Variants in SLC2A9 observed in about 807,000 individuals in gnomAD.
The protein encoded by SLC2A9 is solute carrier family 2 member 9, also known as solute carrier family 2, facilitated glucose transporter member 9.
In SLC2A9, 39 loss-of-function variants were observed where a neutral mutation model predicts 50.6. The ratio of observed to expected loss-of-function variants is 0.77; its 90% CI spans 0.60 to 1.01. The LOEUF (loss-of-function observed/expected upper bound fraction) is 1.01. Among genes scored for constraint, SLC2A9 ranks in the 50% least tolerant of loss-of-function variants. SLC2A9 has a pLI of 0.00. For missense variants in SLC2A9, 686 were observed against 677.6 expected (o/e 1.01, Z -0.14); for synonymous variants, 324 against 276.9 (o/e 1.17, Z -1.69).
At chr4:10,034,245 T>G (rs1030145123) in intron 1 of SLC2A9, 2 of 152,256 alleles carry the variant, frequency 1.3e-5, no homozygotes, top group Admixed American at 1.3e-4. Flanking sequence ...CAGGTTTTAA[T>G]CATTTCATTC....
In SLC2A9 at chr4:9,920,563, G is replaced by A. The variant is rs112404957; in HGVS notation, c.824C>T (p.Thr275Met). ...GGAAACGTCTGCTTTACCCAAGAAC[G>A]TTTGGAAGGCTGCAAACAGAGGCAC... ...NEARAVKAFQ[T>M]FLGKADVSQE... Residue 275 changes from threonine to methionine, a missense_variant, in exon 7 of 12, where the codon ACG (threonine) becomes ATG (methionine). By Grantham distance (81) the Thr-to-Met change is moderately conservative. Coordinates refer to ENST00000264784, the MANE Select transcript of SLC2A9 (RefSeq NM_020041.3). 19,125 of 1,614,106 alleles carry A rather than the reference G, an allele frequency of 0.012. 133 individuals carry two copies. The highest frequency in any genetic ancestry group is 0.014 in the Non-Finnish European group (16,576 of 1,180,016).
At chr4:9,782,751 T>A in intron 3 of SLC2A9, 1 of 1,614,000 alleles carries the variant, frequency 6.2e-7, no homozygotes, top group Non-Finnish European at 8.5e-7. Flanking sequence ...GTTGCCATCA[T>A]GATCGTGACC....
intron 3 of SLC2A9, among the ~76,000 whole-genome samples, chr4:9,789,015 A>T (rs1458053057): frequency 1.3e-5 from 2 of 152,218 alleles, no homozygotes; most frequent in Non-Finnish European, 2.9e-5. Context: ...GGAAATGGAT[A>T]CATGTATATA....
At chr4:9,933,382 G>C (rs532542461) in intron 6 of SLC2A9, among the ~76,000 whole-genome samples, 4 of 152,206 alleles carry the variant, frequency 2.6e-5, no homozygotes, top group African/African-American at 9.6e-5. Context: ...GGGGAGGGAG[G>C]GTGAACGCAC....
intron 6 of SLC2A9, among the ~76,000 whole-genome samples, chr4:9,922,481 TA>T (rs901795477): frequency 2.6e-5 from 4 of 151,112 alleles, no homozygotes; most frequent in Non-Finnish European, 4.4e-5. Context: ...CTTTAAAATT[TA>T]AAAAAAAAAT....
At chr4:9,836,372 A>G (rs1402056651) in intron 10 of SLC2A9, among the ~76,000 whole-genome samples, 1 of 152,222 alleles carries the variant, frequency 6.6e-6, no homozygotes, top group African/African-American at 2.4e-5. Flanking sequence ...TGTGATAAGC[A>G]TTCTGGAGGA....
At chr4:9,985,479 A>G (rs1419039780) in intron 4 of SLC2A9, among the ~76,000 whole-genome samples, 190 bp downstream of exon 4, 1 of 152,126 alleles carries the variant, frequency 6.6e-6, no homozygotes, top group Non-Finnish European at 1.5e-5. Flanking sequence ...TAGGGGCTAG[A>G]GCATCATGAA....
intron 10 of SLC2A9, among the ~76,000 whole-genome samples, chr4:9,855,273 A>G (rs540725793): frequency 1.3e-5 from 2 of 152,264 alleles, no homozygotes; most frequent in Non-Finnish European, 2.9e-5. Context: ...TTCAAGATAC[A>G]AAATTAATGC....
chr4:9,902,312 G>C (rs937795052), intron 8 of SLC2A9, among the ~76,000 whole-genome samples: 1 of 152,186 alleles, frequency 6.6e-6, no homozygotes, highest in Non-Finnish European at 1.5e-5. Context: ...TGTCTGTTTT[G>C]TCCACTGGCA....
chr4:9,887,442 A>T, intron 10 of SLC2A9, 125 bp downstream of exon 10: 1 of 872,194 alleles, frequency 1.1e-6, no homozygotes, highest in Non-Finnish European at 1.7e-6. Flanking sequence ...GGCAGCAGAC[A>T]CACATCCCCA....
chr4:9,855,667 C>CA (rs1381639645), intron 10 of SLC2A9, among the ~76,000 whole-genome samples: 2 of 152,070 alleles, frequency 1.3e-5, no homozygotes, highest in East Asian at 3.9e-4. Context: ...AGATCCTAAG[C>CA]AAAAAGAACA....
At chr4:9,964,567 G>A (rs537370811) in intron 5 of SLC2A9, among the ~76,000 whole-genome samples, 1 of 152,290 alleles carries the variant, frequency 6.6e-6, no homozygotes, top group East Asian at 1.9e-4. Context: ...GTCAGTGGAG[G>A]ATAAGGACGA....
At chr4:9,821,191 G>A (rs1724350023) in intron 3 of SLC2A9, among the ~76,000 whole-genome samples, 1 of 152,144 alleles carries the variant, frequency 6.6e-6, no homozygotes, top group Non-Finnish European at 1.5e-5. Flanking sequence ...ATAATCATAT[G>A]TTCTTTTCCC....
chr4:9,998,009 C>T (rs145630071), intron 2 of SLC2A9, among the ~76,000 whole-genome samples: 6 of 152,282 alleles, frequency 3.9e-5, no homozygotes, highest in Admixed American at 3.9e-4. Flanking sequence ...AGAGAAAATA[C>T]AAATGACTGG....
intron 5 of SLC2A9, among the ~76,000 whole-genome samples, chr4:9,975,217 T>C (rs1020863136): frequency 6.6e-6 from 1 of 152,006 alleles, no homozygotes; most frequent in Non-Finnish European, 1.5e-5. Context: ...GCAAAAGAAA[T>C]TGTAACAAAA....
At chr4:9,827,978 T>C (rs1263359277) in intron 11 of SLC2A9, among the ~76,000 whole-genome samples, 3 of 152,234 alleles carry the variant, frequency 2.0e-5, no homozygotes, top group African/African-American at 7.2e-5. Context: ...GTTTTGAAGA[T>C]GAAATGAGAT....
intron 7 of SLC2A9, among the ~76,000 whole-genome samples, chr4:9,915,762 A>G (rs899512038): frequency 1.3e-5 from 2 of 152,228 alleles, no homozygotes; most frequent in Non-Finnish European, 2.9e-5. Context: ...ATCAGGACAT[A>G]GCAAACTGCT....
chr4:9,878,981 C>G, intron 10 of SLC2A9: 1 of 953,014 alleles, frequency 1.0e-6, no homozygotes, highest in Non-Finnish European at 1.2e-6. Flanking sequence ...ACACCACACA[C>G]CACACAGTAG....
intron 11 of SLC2A9, among the ~76,000 whole-genome samples, chr4:9,832,755 ATCCCCT>A (rs1326537098): frequency 6.6e-6 from 1 of 152,140 alleles, no homozygotes; most frequent in Non-Finnish European, 1.5e-5. Context: ...CTCTGAGCTC[ATCCCCT>A]TGCCTGTCAA....
Sources: allele counts gnomAD v4.1 joint callset (sites outside exome capture counted in the v4.1 genomes callset), GRCh38; gene constraint gnomAD v4.1.1; transcripts MANE v1.5; gene names NCBI Gene and HGNC (gene_info 2026-07-23, HGNC 2026-07-21).